FER: variants seen among roughly 807,000 people sequenced by gnomAD.
The protein encoded by FER is FER tyrosine kinase.
FER carries 63 observed loss-of-function variants against 111.0 expected under a neutral mutation model. The observed-to-expected ratio is 0.57, with a 90% CI of 0.46 to 0.70. FER has a LOEUF of 0.70. FER is among the 30% of genes least tolerant of loss of function. FER has a pLI of 0.00. For synonymous variants in FER, 327 were observed against 313.9 expected (o/e 1.04, Z -0.44); for missense variants, 914 against 954.0 (o/e 0.96, Z 0.55).
In FER at chr5:108,855,931, T is replaced by C. The variant is rs1467737774; in HGVS notation, c.482-11836T>C. Among the ~76,000 whole-genome samples the C allele has an allele frequency of 2.0e-5, 3 of 150,616 alleles. No homozygotes were observed. The East Asian group carries it at 5.8e-4, about 29-fold the overall frequency. On this transcript the variant is annotated intron_variant, in intron 5 of 19. Coordinates refer to ENST00000281092, the MANE Select transcript of FER (RefSeq NM_005246.4). ...AATACGGAATTAACTGGAAGAAGTGTAGTAAAGGGAGGATTTTTTTTTTTT... is the reference window on the plus strand; with the variant it reads ...AATACGGAATTAACTGGAAGAAGTGCAGTAAAGGGAGGATTTTTTTTTTTT...
intron 10 of FER, among the ~76,000 whole-genome samples, chr5:108,909,471 T>C (rs17161561): frequency 0.013 from 1,935 of 152,296 alleles, 26 homozygotes; most frequent in Middle Eastern, 0.048. Context: ...TTGAAAATTC[T>C]CAAGGTTGTG....
intron 16 of FER, among the ~76,000 whole-genome samples, chr5:109,071,786 G>A (rs999326141): frequency 2.0e-5 from 3 of 151,874 alleles, no homozygotes; most frequent in African/African-American, 7.2e-5. Context: ...TGGACATCAT[G>A]TGTCCAGAAA....
chr5:109,024,020 G>C (rs910459596), intron 13 of FER, among the ~76,000 whole-genome samples: 1 of 151,954 alleles, frequency 6.6e-6, no homozygotes, highest in African/African-American at 2.4e-5. Context: ...CTATATAGTA[G>C]CTTCTCTTTT....
At chr5:109,036,860 A>G (rs1482268320) in intron 13 of FER, among the ~76,000 whole-genome samples, 1 of 151,962 alleles carries the variant, frequency 6.6e-6, no homozygotes, top group African/African-American at 2.4e-5. Context: ...CACTGGCCTT[A>G]TGCACCCTAG....
intron 8 of FER, among the ~76,000 whole-genome samples, chr5:108,875,292 C>G (rs1469749643): frequency 6.6e-6 from 1 of 152,068 alleles, no homozygotes; most frequent in African/African-American, 2.4e-5. Flanking sequence ...ATCACACATG[C>G]ATTTATGCTA....
chr5:108,873,396 C>T (rs1048790676), intron 8 of FER, among the ~76,000 whole-genome samples: 4 of 152,274 alleles, frequency 2.6e-5, no homozygotes, highest in East Asian at 1.9e-4. Flanking sequence ...TCACCCACCT[C>T]GGCCTGCCAG....
intron 17 of FER, among the ~76,000 whole-genome samples, chr5:109,164,652 C>T (rs772282725): frequency 6.6e-6 from 1 of 152,116 alleles, no homozygotes; most frequent in African/African-American, 2.4e-5. Flanking sequence ...ATGAATTCCA[C>T]CTTTTAGAAA....
intron 5 of FER, among the ~76,000 whole-genome samples, chr5:108,847,753 A>G (rs1387256807): frequency 6.6e-6 from 1 of 152,178 alleles, no homozygotes; most frequent in Non-Finnish European, 1.5e-5. Flanking sequence ...TATTATTATG[A>G]AATGACCTTT....
In FER at chr5:108,850,192, T is replaced by C. The variant is rs192177259; in HGVS notation, c.481+14385T>C. Among the ~76,000 whole-genome samples the C allele has an allele frequency of 7.6e-4, 111 of 146,098 alleles. 4 individuals carry two copies. In the East Asian group the frequency reaches 0.021, roughly 28 times the overall value. ...CCTGGTGACAGAGCAAGACTCCGTC[T>C]CAAAAAAAAAAAAAATCATATTATT... On this transcript the variant is annotated intron_variant, in intron 5 of 19. Transcript: ENST00000281092.
At chr5:108,849,404 A>G (rs542698460) in intron 5 of FER, among the ~76,000 whole-genome samples, 2 of 152,004 alleles carry the variant, frequency 1.3e-5, no homozygotes, top group South Asian at 4.1e-4. Flanking sequence ...CAGTTTAGTA[A>G]TCTTTTCTTC....
chr5:108,815,227 T>C (rs1445068622), intron 3 of FER, among the ~76,000 whole-genome samples: 1 of 152,164 alleles, frequency 6.6e-6, no homozygotes, highest in Non-Finnish European at 1.5e-5. Context: ...TCACGCTGAA[T>C]TTTTGGAAAT....
intron 17 of FER, among the ~76,000 whole-genome samples, chr5:109,156,391 T>C (rs903683474): frequency 6.6e-6 from 1 of 151,988 alleles, no homozygotes; most frequent in South Asian, 2.1e-4. Context: ...AGTGGTACCA[T>C]TGGCTGATAA....
At chr5:108,789,756 C>T (rs1429543764) in intron 2 of FER, among the ~76,000 whole-genome samples, 1 of 151,978 alleles carries the variant, frequency 6.6e-6, no homozygotes, top group Non-Finnish European at 1.5e-5. Flanking sequence ...GTGCACGCCA[C>T]CATACCCAGC....
intron 13 of FER, among the ~76,000 whole-genome samples, chr5:109,020,994 C>A (rs931336293): frequency 1.3e-5 from 2 of 151,888 alleles, no homozygotes; most frequent in African/African-American, 4.8e-5. Context: ...GTTAAGGAAC[C>A]ATTTTACCTT....
intron 5 of FER, chr5:108,842,661 T>A (rs999047165): frequency 1.2e-4 from 18 of 152,066 alleles, no homozygotes; most frequent in African/African-American, 3.9e-4. Context: ...ATCACTAATT[T>A]TCAGGGAAAT....
At chr5:108,938,843 A>G (rs899744423) in intron 10 of FER, among the ~76,000 whole-genome samples, 2 of 152,030 alleles carry the variant, frequency 1.3e-5, no homozygotes, top group Non-Finnish European at 2.9e-5. Context: ...AGACAAAGCC[A>G]TGACTGATGT....
rs150290550 is a variant in FER, at chr5:108,883,811, G to A, written c.1046+293G>A. Among the ~76,000 whole-genome samples, 203 of 151,998 alleles carry A rather than the reference G, an allele frequency of 1.3e-3. 1 individual carries two copies. The highest frequency in any genetic ancestry group is 3.8e-3 in the African/African-American group (156 of 41,514). On this transcript the variant is annotated intron_variant, in intron 9 of 19. Coordinates refer to ENST00000281092, the MANE Select transcript of FER (RefSeq NM_005246.4). ...TTTCAAAAATTCATTGTTAAAAGCT[G>A]TCTTTACTTTCCTACATCCATTTTC...
chr5:108,851,976 A>C (rs1213748055), intron 5 of FER, among the ~76,000 whole-genome samples: 1 of 152,238 alleles, frequency 6.6e-6, no homozygotes, highest in East Asian at 1.9e-4. Context: ...GTCTAGAGGC[A>C]CTTGAAAGGA....
intron 14 of FER, among the ~76,000 whole-genome samples, chr5:109,040,657 G>C (rs1369788321): frequency 6.6e-6 from 1 of 152,142 alleles, no homozygotes; most frequent in African/African-American, 2.4e-5. Context: ...TTGAAGTTTT[G>C]CTGCAAAAGA....
Sources: allele counts gnomAD v4.1 joint callset (sites outside exome capture counted in the v4.1 genomes callset), GRCh38; gene constraint gnomAD v4.1.1; transcripts MANE v1.5; gene names NCBI Gene and HGNC (gene_info 2026-07-23, HGNC 2026-07-21).